KATNAL2: variants seen among roughly 807,000 people sequenced by gnomAD.
KATNAL2 encodes katanin catalytic subunit A1 like 2.
Under a neutral mutation model 76.3 loss-of-function variants are expected in KATNAL2, and 52 were observed. The ratio of observed to expected loss-of-function variants is 0.68; its 90% CI spans 0.55 to 0.86. The LOEUF is 0.86. Ranked by LOEUF, KATNAL2 falls within the 40% of genes least tolerant of loss-of-function variation. The pLI, the probability that KATNAL2 is intolerant of heterozygous loss-of-function variation, is 0.00. For missense variants in KATNAL2, 660 were observed against 668.9 expected, an observed-to-expected ratio of 0.99 and a Z score of 0.15; for synonymous variants, 243 against 244.2, an observed-to-expected ratio of 1.00 and a Z score of 0.05.
Position 46,952,104 on chromosome 18 carries a change from C to T in KATNAL2, c.51+5181C>T, listed in dbSNP as rs567966298. On this transcript the variant is annotated intron_variant, in intron 3 of 17. Coordinates refer to ENST00000683218, the MANE Select transcript of KATNAL2 (RefSeq NM_001387690.1). ...TCTTTCTTTCTTTTTTAGAGACAGA[C>T]AAAGTCTCTCCCAGGCTGGAGTGCA... Among the ~76,000 whole-genome samples the T allele has an allele frequency of 2.9e-3, 442 of 152,110 alleles. 2 individuals carry two copies. Among genetic ancestry groups the T allele is most frequent in the Non-Finnish European group, 5.0e-3 (337 of 67,992 alleles).
intron 3 of KATNAL2, among the ~76,000 whole-genome samples, chr18:46,948,823 TATGGGTAGGACA>T (rs1015951287): frequency 7.9e-5 from 12 of 151,920 alleles, no homozygotes; most frequent in African/African-American, 2.9e-4. Context: ...GAAGATAAAA[TATGGGTAGGACA>T]ATGGATCAAC....
intron 1 of KATNAL2, among the ~76,000 whole-genome samples, chr18:46,926,047 A>G (rs1272128303): frequency 6.6e-6 from 1 of 152,048 alleles, no homozygotes; most frequent in Non-Finnish European, 1.5e-5. Flanking sequence ...TCCTGGATTC[A>G]TTAATTTTTT....
At position 47,101,077 on chromosome 18, in the gene KATNAL2, A is replaced by G; in HGVS notation, c.*72A>G. Reference sequence around the variant, plus strand: ...CCTAGTTTATTAATGTCCGTGGGAGAACAAAATGATTGGAATGGAAAAGAG... The same window carrying G: ...CCTAGTTTATTAATGTCCGTGGGAGGACAAAATGATTGGAATGGAAAAGAG... On this transcript the variant is annotated 3_prime_UTR_variant, in exon 18 of 18. Transcript: ENST00000683218. 1 of 1,534,592 alleles carries G rather than the reference A, an allele frequency of 6.5e-7. No homozygotes were observed. Among genetic ancestry groups the G allele is most frequent in the Non-Finnish European group, 9.0e-7 (1 of 1,116,930 alleles).
chr18:47,052,610 G>A (rs2061367627), intron 4 of KATNAL2, among the ~76,000 whole-genome samples: 1 of 152,306 alleles, frequency 6.6e-6, no homozygotes, highest in Non-Finnish European at 1.5e-5. Flanking sequence ...TGACTTTTAA[G>A]CACTTCCAAA....
chr18:47,100,151 CAG>C, intron 16 of KATNAL2, 101 bp from the exon 17 acceptor site: 1 of 747,618 alleles, frequency 1.3e-6, no homozygotes, highest in South Asian at 1.7e-5. Context: ...GTGACAGATA[CAG>C]AATCTACACA....
chr18:46,947,973 C>A (rs908895169), intron 3 of KATNAL2, among the ~76,000 whole-genome samples: 3 of 152,162 alleles, frequency 2.0e-5, no homozygotes, highest in African/African-American at 7.2e-5. Flanking sequence ...AGAGCAGATT[C>A]TTGGGCCTCA....
intron 3 of KATNAL2, among the ~76,000 whole-genome samples, chr18:47,041,692 G>C (rs1599628112): frequency 6.6e-6 from 1 of 152,176 alleles, no homozygotes; most frequent in African/African-American, 2.4e-5. Flanking sequence ...GTGAACATAA[G>C]TTTTCAATTC....
At chr18:47,033,723 C>T in intron 3 of KATNAL2, 5 of 1,614,194 alleles carry the variant, frequency 3.1e-6, no homozygotes, top group South Asian at 1.1e-5. Context: ...AGCCCGAGTA[C>T]ACCGGCATCT....
At chr18:47,037,227 C>G (rs1400510079) in intron 3 of KATNAL2, among the ~76,000 whole-genome samples, 1 of 152,186 alleles carries the variant, frequency 6.6e-6, no homozygotes, top group African/African-American at 2.4e-5. Context: ...TCCTAAATAT[C>G]TTCTGGGTCT....
chr18:47,031,403 T>G (rs1160492212), intron 3 of KATNAL2, among the ~76,000 whole-genome samples: 1 of 152,136 alleles, frequency 6.6e-6, no homozygotes, highest in Non-Finnish European at 1.5e-5. Flanking sequence ...GTGTGACTTT[T>G]TTTGTGTCTC....
At chr18:47,046,610 TA>T (rs1253160543) in intron 4 of KATNAL2, 83 bp downstream of exon 4, 1 of 981,306 alleles carries the variant, frequency 1.0e-6, no homozygotes, top group Admixed American at 2.1e-5. Context: ...TTAAATACAA[TA>T]GACTTTCTTG....
intron 15 of KATNAL2, 50 bp downstream of exon 15, chr18:47,077,511 G>A (rs1342415478): frequency 1.5e-6 from 2 of 1,375,620 alleles, no homozygotes; most frequent in African/African-American, 2.8e-5. Context: ...GAGTCACTAA[G>A]TGCAAATAAA....
chr18:46,950,379 A>T (rs2059515741), intron 3 of KATNAL2, among the ~76,000 whole-genome samples: 1 of 152,184 alleles, frequency 6.6e-6, no homozygotes, highest in Admixed American at 6.5e-5. Context: ...TGTGTTAGAT[A>T]TAAAGAGGAC....
intron 14 of KATNAL2, among the ~76,000 whole-genome samples, chr18:47,076,809 A>G (rs1599781018): frequency 6.8e-6 from 1 of 148,116 alleles, no homozygotes; most frequent in East Asian, 2.0e-4. Flanking sequence ...ATATATATAT[A>G]TATATACACA....
chr18:46,946,571 A>G, intron 2 of KATNAL2, 25 bp downstream of exon 2: 1 of 985,426 alleles, frequency 1.0e-6, no homozygotes, highest in Non-Finnish European at 1.2e-6. Context: ...GTCAGCTTGT[A>G]TTTTAGAAAC....
At chr18:46,946,744 C>A in intron 2 of KATNAL2, 110 bp from the exon 3 acceptor site, 1 of 1,143,196 alleles carries the variant, frequency 8.7e-7, no homozygotes, top group Non-Finnish European at 1.2e-6. Flanking sequence ...CAGCGATTGG[C>A]GGGCGTGTCT....
rs772458151 is a variant in KATNAL2, at chr18:47,077,419, C to T, written c.1169C>T (p.Ser390Leu). 1 of 1,614,056 alleles carries T rather than the reference C, an allele frequency of 6.2e-7. No individual in the cohort carries two copies. Reference protein sequence around the residue: ...LLVQMDGLARSEDLVFVLAAS... With the variant: ...LLVQMDGLARLEDLVFVLAAS... ...GTGCAGATGGATGGGCTGGCACGCT[C>T]AGAAGATCTCGTATTTGTCTTAGCA... Residue 390 changes from serine to leucine, a missense_variant, in exon 15 of 18, where the codon TCA becomes TTA. Ser to Leu is a moderately radical substitution (Grantham distance 145). Coordinates refer to ENST00000683218, the MANE Select transcript of KATNAL2 (RefSeq NM_001387690.1).
chr18:46,965,581 G>GCCCCCCCCCCCCCCCCC (rs2510018), intron 3 of KATNAL2, among the ~76,000 whole-genome samples: 1 of 73,874 alleles, frequency 1.4e-5, no homozygotes, highest in Non-Finnish European at 2.9e-5. Flanking sequence ...TAGCATCCCC[G>GCCCCCCCCCCCCCCCCC]CCCCCCCCCC....
intron 3 of KATNAL2, chr18:47,033,975 C>G (rs1235111156): frequency 3.7e-6 from 6 of 1,613,330 alleles, no homozygotes; most frequent in Non-Finnish European, 5.1e-6. Flanking sequence ...GGACAGGAGG[C>G]AATTTCTTAG....
Sources: gnomAD v4.1 joint callset for allele counts (sites outside exome capture counted in the v4.1 genomes callset) on GRCh38, gnomAD v4.1.1 for gene constraint, MANE v1.5 for transcripts, NCBI Gene and HGNC (gene_info 2026-07-23, HGNC 2026-07-21) for gene names.